ECPAS: variants seen among roughly 807,000 people sequenced by gnomAD.
The protein encoded by ECPAS is Ecm29 proteasome adaptor and scaffold, also known as proteasome adapter and scaffold protein ECM29.
Under a neutral mutation model 255.1 loss-of-function variants are expected in ECPAS, and 70 were observed. The ratio of observed to expected loss-of-function variants is 0.27; its 90% confidence interval spans 0.23 to 0.33. The LOEUF is 0.33. Among genes scored for constraint, ECPAS ranks in the 10% least tolerant of loss-of-function variants. ECPAS has a pLI of 1.00. For missense variants in ECPAS, 1,817 were observed against 2,206.4 expected, an observed-to-expected ratio of 0.82 and a Z score of 3.54; for synonymous variants, 784 against 775.0, an observed-to-expected ratio of 1.01 and a Z score of -0.19.
chr9:111,421,806 A>G, intron 15 of ECPAS, 115 bp downstream of exon 15: 2 of 1,232,548 alleles, frequency 1.6e-6, no homozygotes, highest in Non-Finnish European at 2.2e-6. Flanking sequence ...ATCCTAAATC[A>G]CAGCCCAAGT....
At chr9:111,445,271 A>T (rs1476451904) in intron 3 of ECPAS, among the ~76,000 whole-genome samples, 1 of 152,130 alleles carries the variant, frequency 6.6e-6, no homozygotes, top group Non-Finnish European at 1.5e-5. Context: ...TTGGGATTAC[A>T]GGCGTGAGCC....
chr9:111,407,579 A>G (rs566566350), intron 24 of ECPAS, among the ~76,000 whole-genome samples: 16 of 152,226 alleles, frequency 1.1e-4, no homozygotes, highest in African/African-American at 3.9e-4. Flanking sequence ...CACTTTAAAA[A>G]TACTGAATTC....
intron 1 of ECPAS, among the ~76,000 whole-genome samples, chr9:111,476,675 G>A (rs1012103821): frequency 1.9e-4 from 28 of 146,814 alleles, no homozygotes; most frequent in African/African-American, 6.6e-4. Context: ...TCCGCCTCCC[G>A]GGTTCAAGTG....
intron 37 of ECPAS, among the ~76,000 whole-genome samples, chr9:111,375,465 C>G (rs2098132331): frequency 6.6e-6 from 1 of 152,116 alleles, no homozygotes; most frequent in African/African-American, 2.4e-5. Context: ...AATGATTACT[C>G]AAGAATGAAG....
intron 4 of ECPAS, among the ~76,000 whole-genome samples, chr9:111,442,707 GAAAT>G (rs2098247589): frequency 6.6e-6 from 1 of 152,156 alleles, no homozygotes; most frequent in Admixed American, 6.5e-5. Flanking sequence ...GAAGAAGAAA[GAAAT>G]AATCAACCTA....
chr9:111,396,538 C>T (rs2098167913), intron 25 of ECPAS, among the ~76,000 whole-genome samples: 1 of 152,066 alleles, frequency 6.6e-6, no homozygotes, highest in Non-Finnish European at 1.5e-5. Flanking sequence ...AAGAAGTTAA[C>T]TAATTTCATG....
chr9:111,375,255 A>G (rs1165279937), intron 37 of ECPAS, 53 bp from the exon 38 acceptor site: 1 of 1,393,428 alleles, frequency 7.2e-7, no homozygotes, highest in Non-Finnish European at 1.0e-6. Flanking sequence ...AGTCAGGACC[A>G]CATCTTCAAT....
At position 111,467,201 on chromosome 9, in the gene ECPAS, A is replaced by AGAGAAAAAAGAAGAGAAGAGAT. The variant is rs1208747783; in HGVS notation, c.22+5674_22+5695dup. On this transcript the variant is annotated intron_variant, in intron 2 of 49. Coordinates refer to ENST00000684092, the MANE Select transcript of ECPAS (RefSeq NM_001364929.1). Reference sequence around the variant, plus strand: ...TGGAAAAAGCATGTTAAAAAAGAGAAGAGAAAAAAGAAGAGAAGAGATGAG... The same window carrying AGAGAAAAAAGAAGAGAAGAGAT: ...TGGAAAAAGCATGTTAAAAAAGAGAAGAGAAAAAAGAAGAGAAGAGATGAGAAAAAAGAAGAGAAGAGATGAG... 2.0e-5 allele frequency among the ~76,000 whole-genome samples: 3 copies of AGAGAAAAAAGAAGAGAAGAGAT among 152,196 alleles called. No homozygotes were observed. The South Asian group carries it at 6.2e-4, about 32-fold the overall frequency.
chr9:111,390,390 A>G (rs1188275452), intron 29 of ECPAS, among the ~76,000 whole-genome samples: 1 of 152,176 alleles, frequency 6.6e-6, no homozygotes, highest in African/African-American at 2.4e-5. Context: ...CAACTCAATA[A>G]TTCTTCATTA....
chr9:111,462,051 C>T (rs550071369), intron 2 of ECPAS, among the ~76,000 whole-genome samples: 10 of 152,194 alleles, frequency 6.6e-5, no homozygotes, highest in South Asian at 2.1e-4. Context: ...GAGATTTGGA[C>T]GGGGACACAG....
At chr9:111,397,192 C>T (rs1406607610) in intron 24 of ECPAS, 39 bp from the exon 25 acceptor site, 3 of 1,606,470 alleles carry the variant, frequency 1.9e-6, no homozygotes, top group Non-Finnish European at 2.6e-6. Flanking sequence ...TGAGAAAACA[C>T]ATTTCCCAAA....
chr9:111,404,547 G>A (rs951453951), intron 24 of ECPAS, among the ~76,000 whole-genome samples: 1 of 149,000 alleles, frequency 6.7e-6, no homozygotes, highest in Non-Finnish European at 1.5e-5. Flanking sequence ...TTCTGACAGG[G>A]AGCGTGTAGC....
At chr9:111,421,432 T>TGTGC in intron 15 of ECPAS, among the ~76,000 whole-genome samples, 1 of 151,816 alleles carries the variant, frequency 6.6e-6, no homozygotes, top group South Asian at 2.1e-4. Flanking sequence ...TGTGTGTGTG[T>TGTGC]GTGTGTGTGT....
rs146155568 is a variant in ECPAS at position 111,410,075 on chromosome 9, A to T, written c.2516T>A (p.Leu839Gln). Reference sequence around the variant, plus strand: ...TTCTTTACTGGAAGGTATTCTACTTAGTAAGCTTTCTACAAGATGCAATTT... The same window carrying T: ...TTCTTTACTGGAAGGTATTCTACTTTGTAAGCTTTCTACAAGATGCAATTT... ...FTKLHLVESLLSRIPSSKETN... is the reference protein window; with the variant it reads ...FTKLHLVESLQSRIPSSKETN... The change falls in exon 23 of 50, where the codon CTA becomes CAA. Residue 839 changes from leucine to glutamine, a missense_variant. By Grantham distance (113) the Leu-to-Gln change is moderately radical. This residue lies in a region of ECPAS where 194 missense variants were observed against 152.8 expected (regional missense o/e 1.27). Coordinates refer to ENST00000684092, the MANE Select transcript of ECPAS (RefSeq NM_001364929.1). 89 of 1,580,858 alleles carry T rather than the reference A, an allele frequency of 5.6e-5. No individual in the cohort carries two copies. The East Asian group carries it at 1.7e-3, about 30-fold the overall frequency.
chr9:111,385,467 T>A, intron 32 of ECPAS, 25 bp from the exon 33 acceptor site: 1 of 1,278,212 alleles, frequency 7.8e-7, no homozygotes, highest in Admixed American at 2.2e-5. Context: ...TTCATTTCAA[T>A]ATATGATGAA....
intron 8 of ECPAS, among the ~76,000 whole-genome samples, chr9:111,432,589 G>A (rs1003642031): frequency 1.3e-5 from 2 of 152,108 alleles, no homozygotes; most frequent in Admixed American, 6.5e-5. Context: ...ACTCCTGCCT[G>A]GGCAACAGAG....
intron 2 of ECPAS, among the ~76,000 whole-genome samples, chr9:111,463,722 T>C (rs746881789): frequency 3.9e-5 from 6 of 151,998 alleles, no homozygotes; most frequent in Non-Finnish European, 7.4e-5. Context: ...AAAAATGCCA[T>C]TAAGAATCAG....
At chr9:111,391,731 C>T in intron 29 of ECPAS, 25 bp downstream of exon 29, 1 of 1,425,308 alleles carries the variant, frequency 7.0e-7, no homozygotes, top group South Asian at 1.2e-5. Context: ...AGATGTTTAC[C>T]ATTCAATGGA....
intron 26 of ECPAS, 47 bp downstream of exon 26, chr9:111,394,113 T>C (rs759818641): frequency 4.5e-5 from 69 of 1,530,098 alleles, no homozygotes; most frequent in African/African-American, 1.1e-4. Flanking sequence ...TTGCTACTTA[T>C]AATACTGTGG....
Sources: allele counts gnomAD v4.1 joint callset (sites outside exome capture counted in the v4.1 genomes callset), GRCh38; gene constraint gnomAD v4.1.1; regional missense constraint gnomAD v4.1.1; transcripts MANE v1.5; gene names NCBI Gene and HGNC (gene_info 2026-07-23, HGNC 2026-07-21).